KAT6B: variants seen among roughly 807,000 people sequenced by gnomAD.
The protein encoded by KAT6B is lysine acetyltransferase 6B.
Under a neutral mutation model 187.5 loss-of-function variants are expected in KAT6B, and 10 were observed. The observed-to-expected ratio is 0.05, with a 90% confidence interval of 0.03 to 0.09. KAT6B has a LOEUF of 0.09. Ranked by LOEUF, KAT6B falls within the 10% of genes least tolerant of loss-of-function variation. The pLI is 1.00. For missense variants in KAT6B, 1,952 were observed against 2,558.9 expected (o/e 0.76, Z 5.12); for synonymous variants, 861 against 926.8 (o/e 0.93, Z 1.29).
At chr10:74,952,090 C>A (rs1840355049) in intron 3 of KAT6B, among the ~76,000 whole-genome samples, 1 of 152,170 alleles carries the variant, frequency 6.6e-6, no homozygotes, top group Non-Finnish European at 1.5e-5. Context: ...CACAGTGGCT[C>A]ACATCTGTAA....
At chr10:74,908,758 A>G (rs1000410843) in intron 3 of KAT6B, among the ~76,000 whole-genome samples, 21 of 152,100 alleles carry the variant, frequency 1.4e-4, no homozygotes, top group African/African-American at 4.6e-4. Flanking sequence ...TGTAGTTTAG[A>G]TAACCTCCTG....
chr10:74,863,714 T>C (rs1234048341), intron 3 of KAT6B, among the ~76,000 whole-genome samples: 1 of 152,224 alleles, frequency 6.6e-6, no homozygotes, highest in East Asian at 1.9e-4. Flanking sequence ...CATTTTAAAA[T>C]GATTAATGGC....
chr10:74,890,038 T>G (rs1461783786), intron 3 of KAT6B, among the ~76,000 whole-genome samples: 1 of 149,686 alleles, frequency 6.7e-6, no homozygotes, highest in Non-Finnish European at 1.5e-5. Flanking sequence ...TTTGGACATG[T>G]AATTTTTTTT....
At chr10:74,934,733 C>G (rs79110997) in intron 3 of KAT6B, among the ~76,000 whole-genome samples, 3,733 of 152,144 alleles carry the variant, frequency 0.025, 154 homozygotes, top group African/African-American at 0.085. Context: ...TTTTTTCCTT[C>G]TGTTCCAAGT....
chr10:74,886,790 C>A (rs1589551000), intron 3 of KAT6B, among the ~76,000 whole-genome samples: 1 of 152,322 alleles, frequency 6.6e-6, no homozygotes, highest in East Asian at 1.9e-4. Flanking sequence ...CCATCCATAA[C>A]CCAGTGTATT....
At chr10:74,900,774 A>G (rs568427116) in intron 3 of KAT6B, among the ~76,000 whole-genome samples, 1 of 152,370 alleles carries the variant, frequency 6.6e-6, no homozygotes, top group Admixed American at 6.5e-5. Context: ...TGCCTACCAC[A>G]TAGTGCTACA....
Position 74,938,862 on chromosome 10 carries a change from G to C in KAT6B, c.622-21108G>C, listed in dbSNP as rs149244551. Among the ~76,000 whole-genome samples the C allele has an allele frequency of 5.8e-3, 880 of 152,054 alleles. 6 individuals are homozygous for C. The highest frequency in any genetic ancestry group is 0.017 in the South Asian group (80 of 4,804). The stretch of plus-strand genomic sequence containing the variant: ...AGCAATTCTCGTGCCTCAGCCTCCT[G>C]AGTAGCTGAGATTACAGGTGCCCGC... On this transcript the variant is annotated intron_variant, in intron 3 of 17. Coordinates refer to ENST00000287239, the MANE Select transcript of KAT6B (RefSeq NM_012330.4).
intron 3 of KAT6B, among the ~76,000 whole-genome samples, chr10:74,927,846 C>T (rs1335564131): frequency 6.6e-6 from 1 of 152,162 alleles, no homozygotes; most frequent in Non-Finnish European, 1.5e-5. Context: ...TGTGACTCTC[C>T]AGTGCTTCTG....
intron 3 of KAT6B, among the ~76,000 whole-genome samples, chr10:74,926,958 A>G (rs1227173640): frequency 6.6e-6 from 1 of 152,222 alleles, no homozygotes; most frequent in Non-Finnish European, 1.5e-5. Flanking sequence ...ATCAAATGTA[A>G]TAATGATGTA....
At chr10:74,965,141 C>T (rs1021140371) in intron 4 of KAT6B, among the ~76,000 whole-genome samples, 3 of 152,178 alleles carry the variant, frequency 2.0e-5, no homozygotes, top group Non-Finnish European at 4.4e-5. Context: ...GGTTTAACCC[C>T]ATCTTACATC....
At chr10:74,839,192 A>G (rs918147379) in intron 2 of KAT6B, among the ~76,000 whole-genome samples, 3 of 151,312 alleles carry the variant, frequency 2.0e-5, no homozygotes, top group Non-Finnish European at 4.4e-5. Flanking sequence ...AAAGCTTGTC[A>G]TGAAGGTATA....
chr10:74,883,141 A>G (rs1188635696), intron 3 of KAT6B, among the ~76,000 whole-genome samples: 1 of 152,232 alleles, frequency 6.6e-6, no homozygotes, highest in African/African-American at 2.4e-5. Context: ...AAGGGAAAAC[A>G]TGGAAACAGT....
chr10:74,899,419 G>C (rs929741629), intron 3 of KAT6B, among the ~76,000 whole-genome samples: 1 of 151,244 alleles, frequency 6.6e-6, no homozygotes, highest in Non-Finnish European at 1.5e-5. Flanking sequence ...GATTACAGGC[G>C]CCTGCCACCA....
intron 3 of KAT6B, among the ~76,000 whole-genome samples, chr10:74,856,013 C>CA (rs1375242654): frequency 6.6e-6 from 1 of 152,142 alleles, no homozygotes. Context: ...TACTATTACG[C>CA]AAAAAATTCG....
chr10:74,905,930 G>T (rs766458583), intron 3 of KAT6B, among the ~76,000 whole-genome samples: 22 of 152,088 alleles, frequency 1.4e-4, no homozygotes, highest in Non-Finnish European at 7.3e-5. Flanking sequence ...TGCTGTTGTT[G>T]CCCTTCTCAC....
At chr10:74,892,538 A>G (rs113518941) in intron 3 of KAT6B, among the ~76,000 whole-genome samples, 19 of 152,252 alleles carry the variant, frequency 1.2e-4, no homozygotes, top group Admixed American at 3.3e-4. Flanking sequence ...CATAGCAGCT[A>G]TTATACCCCC....
At chr10:74,980,756 G>T (rs1015887783) in intron 10 of KAT6B, among the ~76,000 whole-genome samples, 3 of 152,158 alleles carry the variant, frequency 2.0e-5, no homozygotes, top group Non-Finnish European at 4.4e-5. Flanking sequence ...AATAAAAAAT[G>T]TTCTGATTTT....
Position 75,020,579 on chromosome 10 carries a change from T to TA in KAT6B, c.2630-2dup. 1 of 1,611,400 alleles carries TA rather than the reference T, an allele frequency of 6.2e-7. No individual in the cohort carries two copies. Among genetic ancestry groups the TA allele is most frequent in the Non-Finnish European group, 8.5e-7 (1 of 1,177,504 alleles). Reference sequence around the variant, plus strand: ...GAATGCCCATTTATTTTTTCTGCCCTAGGCTATTTGCTTTCTAGAAGAGAA... The same window carrying TA: ...GAATGCCCATTTATTTTTTCTGCCCTAAGGCTATTTGCTTTCTAGAAGAGAA... On this transcript the variant is annotated splice_polypyrimidine_tract_variant and splice_region_variant and intron_variant, in intron 13 of 17. Coordinates refer to ENST00000287239, the MANE Select transcript of KAT6B (RefSeq NM_012330.4).
At chr10:74,985,359 A>G in intron 12 of KAT6B, 118 bp downstream of exon 12, 1 of 1,053,322 alleles carries the variant, frequency 9.5e-7, no homozygotes, top group Non-Finnish European at 1.4e-6. Context: ...TGTGTTTTTG[A>G]AAAGCTCAGG....
Sources: gnomAD v4.1 joint callset for allele counts (sites outside exome capture counted in the v4.1 genomes callset) on GRCh38, gnomAD v4.1.1 for gene constraint, MANE v1.5 for transcripts, NCBI Gene and HGNC (gene_info 2026-07-23, HGNC 2026-07-21) for gene names.